The following METTL2B variants were observed in gnomAD, a reference collection of about 807,000 sequenced individuals.
METTL2B encodes methyltransferase 2B, tRNA N3-cytidine, also known as tRNA N(3)-cytidine methyltransferase METTL2B.
METTL2B carries 28 observed loss-of-function variants against 51.0 expected under a neutral mutation model. The ratio of observed to expected loss-of-function variants is 0.55; its 90% CI spans 0.41 to 0.75. The LOEUF (loss-of-function observed/expected upper bound fraction) is 0.75, where lower values mean the gene tolerates loss of function less well. Ranked by LOEUF, METTL2B falls within the 30% of genes least tolerant of loss-of-function variation. The probability of loss-of-function intolerance (pLI) is 0.00; values close to 1 mark genes in which losing one functional copy is unlikely to be tolerated. For missense variants in METTL2B, 313 were observed against 460.7 expected (o/e 0.68, Z 2.93); for synonymous variants, 128 against 166.3 (o/e 0.77, Z 1.77).
chr7:128,491,807 G>A (rs1792838901), intron 5 of METTL2B, among the ~76,000 whole-genome samples: 1 of 150,144 alleles, frequency 6.7e-6, no homozygotes. Context: ...GTATAATGCT[G>A]TTAGGGCAGA....
chr7:128,477,240 G>A, intron 2 of METTL2B, 67 bp downstream of exon 2: 3 of 1,601,726 alleles, frequency 1.9e-6, no homozygotes, highest in Non-Finnish European at 2.6e-6. Context: ...CTCCCGGAGA[G>A]GCCAGGGAAC....
In METTL2B at chr7:128,503,204, T is replaced by A. The variant is rs145185105; in HGVS notation, c.*1288T>A. 0.031 allele frequency: 4,735 copies of A among 151,538 alleles called. 105 individuals carry two copies. Among genetic ancestry groups the A allele is most frequent in the African/African-American group, 0.059 (2,445 of 41,194 alleles). The allele number at this position is 151,538 out of a possible 1,614,324, so 9.4% of individuals were successfully genotyped here. On this transcript the variant is annotated 3_prime_UTR_variant, in exon 9 of 9. Coordinates refer to ENST00000262432, the MANE Select transcript of METTL2B (RefSeq NM_018396.3). ...CTAAGGCAGGAGAATCGTTTGAACCTGGGAGGCAGAGGTTGCAGTGAGCCG... is the reference window on the plus strand; with the variant it reads ...CTAAGGCAGGAGAATCGTTTGAACCAGGGAGGCAGAGGTTGCAGTGAGCCG...
chr7:128,501,120 T>C lies in METTL2B; in HGVS notation c.982+152T>C, dbSNP rs1023514090. 2.7e-6 allele frequency: 4 copies of C among 1,508,628 alleles called. No homozygotes were observed. In the African/African-American group the frequency reaches 5.6e-5, roughly 21 times the overall value. 93.5% of individuals were successfully genotyped at this position (1,508,628 alleles called of 1,614,324 possible). A position where few individuals can be genotyped will look rare whatever the true frequency, so the allele number is the denominator to read the frequency against. ...GCTCACACCCTCTTCCACCCTGGGC[T>C]AGGCTACCCATGGCAGCCAGCCACT... On this transcript the variant is annotated intron_variant, in intron 8 of 8. Transcript: ENST00000262432.
At chr7:128,483,656 C>T (rs1342885221) in intron 4 of METTL2B, among the ~76,000 whole-genome samples, 2 of 152,182 alleles carry the variant, frequency 1.3e-5, no homozygotes, top group Non-Finnish European at 2.9e-5. Context: ...ATTATCCTGC[C>T]TCAGCCTCCC....
intron 1 of METTL2B, 66 bp from the exon 2 acceptor site, chr7:128,477,016 G>C (rs1015122013): frequency 6.5e-7 from 1 of 1,544,260 alleles, no homozygotes; most frequent in African/African-American, 1.4e-5. Context: ...AAACTCCTAG[G>C]CCAGCGACTC....
intron 7 of METTL2B, among the ~76,000 whole-genome samples, chr7:128,498,997 C>CAAA (rs57860093): frequency 9.1e-6 from 1 of 109,878 alleles, no homozygotes; most frequent in Non-Finnish European, 1.8e-5. Context: ...AACTCTGTCT[C>CAAA]AAAAAAAAAA....
chr7:128,483,694 A>G (rs544736570), intron 4 of METTL2B, among the ~76,000 whole-genome samples: 1 of 152,232 alleles, frequency 6.6e-6, no homozygotes, highest in Admixed American at 6.6e-5. Context: ...GGTGCCCACC[A>G]CCACGCCCAG....
chr7:128,488,297 A>G (rs763083018), intron 5 of METTL2B, 136 bp downstream of exon 5: 9 of 1,014,040 alleles, frequency 8.9e-6, no homozygotes, highest in Middle Eastern at 2.0e-4. Context: ...ATTTACTGAT[A>G]ACGAGCATAC....
intron 8 of METTL2B, 77 bp downstream of exon 8, chr7:128,501,045 A>G (rs1178265475): frequency 1.7e-5 from 27 of 1,601,328 alleles, no homozygotes; most frequent in Non-Finnish European, 2.1e-5. Flanking sequence ...AAGGAAAACT[A>G]TCTGGCCCCT....
At chr7:128,498,993 G>T (rs1464739563) in intron 7 of METTL2B, among the ~76,000 whole-genome samples, 1 of 136,210 alleles carries the variant, frequency 7.3e-6, no homozygotes, top group Non-Finnish European at 1.6e-5. Context: ...GTGAAACTCT[G>T]TCTCAAAAAA....
intron 4 of METTL2B, chr7:128,483,069 A>G (rs1173293411): frequency 6.6e-6 from 1 of 152,240 alleles, no homozygotes; most frequent in African/African-American, 2.4e-5. Flanking sequence ...AACACTGAAG[A>G]AAAGAGATTG....
chr7:128,489,003 T>C (rs1792773191), intron 5 of METTL2B, among the ~76,000 whole-genome samples: 1 of 152,108 alleles, frequency 6.6e-6, no homozygotes, highest in South Asian at 2.1e-4. Context: ...TTTCAGCTAC[T>C]CAGGAGGCTA....
intron 4 of METTL2B, among the ~76,000 whole-genome samples, chr7:128,485,872 C>G (rs549690765): frequency 6.6e-6 from 1 of 151,956 alleles, no homozygotes; most frequent in Admixed American, 6.6e-5. Context: ...TTATATTAGG[C>G]GTTATAGATG....
At chr7:128,492,807 G>A (rs1792859077) in intron 5 of METTL2B, among the ~76,000 whole-genome samples, 3 of 151,648 alleles carry the variant, frequency 2.0e-5, no homozygotes, top group Non-Finnish European at 4.4e-5. Context: ...TAGTGGAGAC[G>A]GGGTTTCACC....
chr7:128,501,138 C>G, intron 8 of METTL2B, 170 bp downstream of exon 8: 1 of 985,462 alleles, frequency 1.0e-6, no homozygotes. Context: ...CCATGGCAGC[C>G]AGCCACTCGG....
At chr7:128,481,850 T>G (rs1244992859) in intron 4 of METTL2B, among the ~76,000 whole-genome samples, 1 of 152,140 alleles carries the variant, frequency 6.6e-6, no homozygotes, top group Non-Finnish European at 1.5e-5. Flanking sequence ...TCACTTTGTT[T>G]CCCAGACTGG....
intron 6 of METTL2B, among the ~76,000 whole-genome samples, chr7:128,494,443 C>A (rs999654258): frequency 2.0e-5 from 3 of 152,166 alleles, no homozygotes; most frequent in Non-Finnish European, 4.4e-5. Flanking sequence ...GTTCTGGCCT[C>A]GAAACTTCTG....
At chr7:128,499,505 A>G (rs1313650756) in intron 7 of METTL2B, among the ~76,000 whole-genome samples, 6 of 147,974 alleles carry the variant, frequency 4.1e-5, no homozygotes, top group Non-Finnish European at 7.4e-5. Context: ...CACTGTGCCC[A>G]GTATTAACAG....
At chr7:128,501,280 G>A (rs531615992) in intron 8 of METTL2B, 40 of 985,420 alleles carry the variant, frequency 4.1e-5, no homozygotes, top group East Asian at 1.1e-4. Context: ...CCCTCTACAC[G>A]GGGTTGTGCT....
Sources: allele counts gnomAD v4.1 joint callset (sites outside exome capture counted in the v4.1 genomes callset), GRCh38; gene constraint gnomAD v4.1.1; transcripts MANE v1.5; gene names NCBI Gene and HGNC (gene_info 2026-07-23, HGNC 2026-07-21).